Variants in PCDHA2 observed in about 807,000 individuals in gnomAD.
The protein encoded by PCDHA2 is protocadherin alpha-2.
PCDHA2 carries 58 observed loss-of-function variants against 66.0 expected under a neutral mutation model. The observed-to-expected ratio is 0.88, with a 90% CI of 0.71 to 1.09. The LOEUF (loss-of-function observed/expected upper bound fraction) is 1.09. Ranked by LOEUF, PCDHA2 falls within the 50% of genes least tolerant of loss-of-function variation. PCDHA2 has a pLI of 0.00. For synonymous variants in PCDHA2, 634 were observed against 554.0 expected, an observed-to-expected ratio of 1.14 and a Z score of -2.03; for missense variants, 1,267 against 1,242.3, an observed-to-expected ratio of 1.02 and a Z score of -0.30.
intron 1 of PCDHA2, chr5:140,882,617 T>TA: frequency 6.2e-7 from 1 of 1,614,218 alleles, no homozygotes; most frequent in Non-Finnish European, 8.5e-7. Context: ...TCTGCAGGTT[T>TA]TCCATGTGGA....
At position 140,857,632 on chromosome 5, in the gene PCDHA2, G is replaced by C; in HGVS notation, c.2388+60280G>C. On this transcript the variant is annotated intron_variant, in intron 1 of 3. Transcript: ENST00000526136. ...AGCCGCTGGACCACGAGGAGCTGGA[G>C]CTGCTACAGTTCCAGGTGAGCGCGC... 1.9e-6 allele frequency: 3 copies of C among 1,596,770 alleles called. 1 individual carries two copies. Among genetic ancestry groups the C allele is most frequent in the Non-Finnish European group, 2.6e-6 (3 of 1,167,764 alleles).
Position 140,982,517 on chromosome 5 carries a change from A to T in PCDHA2, c.2490A>T (p.Pro830=), listed in dbSNP as rs990701966. The T allele has an allele frequency of 2.5e-5, 41 of 1,614,116 alleles. No individual in the cohort carries two copies. The highest frequency in any genetic ancestry group is 3.4e-5 in the Non-Finnish European group (40 of 1,180,048). Residue 830 remains proline, a synonymous_variant, in exon 3 of 4, where the codon CCA becomes CCT. Coordinates refer to ENST00000526136, the MANE Select transcript of PCDHA2 (RefSeq NM_018905.3). The part of the protein sequence containing the change: ...LEEAGILRAG[P]GGPDQQWPTV... ...AGGCTGGCATTCTACGGGCTGGTCC[A>T]GGAGGGCCTGATCAGCAGTGGCCAA...
At position 140,803,862 on chromosome 5, in the gene PCDHA2, A is replaced by C. The variant is rs1182674761; in HGVS notation, c.2388+6510A>C. On this transcript the variant is annotated intron_variant, in intron 1 of 3. Coordinates refer to ENST00000526136, the MANE Select transcript of PCDHA2 (RefSeq NM_018905.3). ...ATTTTATTGCTAAATGCCTGGGTAT[A>C]AGACAAATATTTTTTCTTAGATGAA... 1.9e-5 allele frequency: 11 copies of C among 575,084 alleles called. No individual in the cohort carries two copies. The Admixed American group carries it at 3.1e-4, about 16-fold the overall frequency. The allele number at this position is 575,084 out of a possible 1,614,324, so 35.6% of individuals were successfully genotyped here.
chr5:140,812,986 A>G (rs2126643118), intron 1 of PCDHA2: 1 of 152,222 alleles, frequency 6.6e-6, no homozygotes, highest in South Asian at 2.1e-4. Context: ...GTTTTATTCC[A>G]CTGTGGTCAG....
chr5:140,869,243 G>A (rs1554162716), intron 1 of PCDHA2: 10 of 1,613,544 alleles, frequency 6.2e-6, no homozygotes, highest in African/African-American at 2.7e-5. Flanking sequence ...TTCGTGGGCC[G>A]CATCGCGCAG....
At chr5:140,899,894 A>G (rs2067617727) in intron 1 of PCDHA2, among the ~76,000 whole-genome samples, 1 of 151,938 alleles carries the variant, frequency 6.6e-6, no homozygotes, top group African/African-American at 2.4e-5. Context: ...TGCAGCCTTG[A>G]CATCCTGGGC....
rs2149924713 is a variant in PCDHA2, at chr5:140,796,866, A to C, written c.1902A>C (p.Thr634=). The C allele has an allele frequency of 6.2e-7, 1 of 1,614,040 alleles. No individual in the cohort carries two copies. Among genetic ancestry groups the C allele is most frequent in the Non-Finnish European group, 8.5e-7 (1 of 1,179,978 alleles). The change falls in exon 1 of 4, where the codon ACA becomes ACC. Residue 634 remains threonine (T), a synonymous_variant. Coordinates refer to ENST00000526136, the MANE Select transcript of PCDHA2 (RefSeq NM_018905.3). ...TATACACGGGTGAGATCAGCACGACACGTGCCCTAGACGAGGCTGACTCCC... is the reference window on the plus strand; with the variant it reads ...TATACACGGGTGAGATCAGCACGACCCGTGCCCTAGACGAGGCTGACTCCC... ...VGLYTGEIST[T]RALDEADSPR...
intron 1 of PCDHA2, chr5:140,857,428 G>C (rs782142394): frequency 1.9e-6 from 3 of 1,598,342 alleles, no homozygotes; most frequent in East Asian, 2.2e-5. Context: ...CCGAGTACAC[G>C]GTGTTCGTGA....
chr5:140,818,198 T>A (rs2150100405), intron 1 of PCDHA2, among the ~76,000 whole-genome samples: 1 of 152,226 alleles, frequency 6.6e-6, no homozygotes, highest in East Asian at 1.9e-4. Flanking sequence ...TATAAGTACA[T>A]GTATGTTAAA....
chr5:140,802,250 T>C, intron 1 of PCDHA2: 1 of 1,614,252 alleles, frequency 6.2e-7, no homozygotes, highest in Non-Finnish European at 8.5e-7. Context: ...CTGAGTTAGT[T>C]ATTCAATCAC....
intron 1 of PCDHA2, among the ~76,000 whole-genome samples, chr5:140,951,653 C>T (rs2094610729): frequency 6.6e-6 from 1 of 152,176 alleles, no homozygotes; most frequent in South Asian, 2.1e-4. Context: ...TCACCTCCCA[C>T]CAGGGCCTGC....
intron 1 of PCDHA2, among the ~76,000 whole-genome samples, chr5:140,819,486 C>T (rs1554127699): frequency 6.6e-6 from 1 of 152,094 alleles, no homozygotes. Context: ...GATGCTTAAA[C>T]ATGACTGAAA....
intron 1 of PCDHA2, chr5:140,830,390 A>T (rs1554132803): frequency 1.9e-6 from 3 of 1,614,042 alleles, no homozygotes; most frequent in East Asian, 2.2e-5. Flanking sequence ...CCCACCCAAG[A>T]TGGATCTCAT....
chr5:140,982,604 A>G, intron 3 of PCDHA2, 41 bp downstream of exon 3: 1 of 1,607,164 alleles, frequency 6.2e-7, no homozygotes, highest in Non-Finnish European at 8.5e-7. Context: ...TGGTTTCTGG[A>G]AAGTGATCAG....
At chr5:140,862,566 T>C (rs1440139064) in intron 1 of PCDHA2, 1 of 478,068 alleles carries the variant, frequency 2.1e-6, no homozygotes, top group Non-Finnish European at 4.3e-6. Context: ...TGAACCACAA[T>C]GCCCTGGCGT....
At chr5:140,802,730 C>A (rs781795094) in intron 1 of PCDHA2, 10 of 1,612,594 alleles carry the variant, frequency 6.2e-6, no homozygotes, top group African/African-American at 1.3e-5. Context: ...TGTCGGTACA[C>A]GCGGAGAGCG....
intron 1 of PCDHA2, among the ~76,000 whole-genome samples, chr5:140,881,757 A>T (rs1238055344): frequency 6.6e-6 from 1 of 152,166 alleles, no homozygotes; most frequent in African/African-American, 2.4e-5. Flanking sequence ...TACCACAAAA[A>T]CCTACATGAC....
chr5:140,987,999 C>T (rs543796200), intron 3 of PCDHA2, among the ~76,000 whole-genome samples: 3 of 152,292 alleles, frequency 2.0e-5, no homozygotes, highest in African/African-American at 7.2e-5. Context: ...TCTGATCCTT[C>T]CCCAGAAAGA....
rs143264790 is a variant in PCDHA2 at position 140,829,783 on chromosome 5, G to A, written c.2388+32431G>A. 692 of 1,613,800 alleles carry A rather than the reference G, an allele frequency of 4.3e-4. 1 individual carries two copies. Among genetic ancestry groups the A allele is most frequent in the Non-Finnish European group, 5.5e-4 (653 of 1,179,870 alleles). ...TGGACGAGAACGACAACGCGCCGGC[G>A]CTGCTGGCGCCTCGGGTGGGTGGTA... On this transcript the variant is annotated intron_variant, in intron 1 of 3. Transcript: ENST00000526136.
Sources: allele counts gnomAD v4.1 joint callset (sites outside exome capture counted in the v4.1 genomes callset), GRCh38; gene constraint gnomAD v4.1.1; transcripts MANE v1.5; gene names NCBI Gene and HGNC (gene_info 2026-07-23, HGNC 2026-07-21).